NEBL: variants seen among roughly 807,000 people sequenced by gnomAD.
NEBL encodes the protein LIM and SH3 protein 2.
In NEBL, 122 loss-of-function variants were observed where a neutral mutation model predicts 140.2. That is an observed-to-expected ratio of 0.87 (90% confidence interval 0.75 to 1.01). The LOEUF is 1.01. Ranked by LOEUF, NEBL falls within the 50% of genes least tolerant of loss-of-function variation. The pLI, the probability that NEBL is intolerant of heterozygous loss-of-function variation, is 0.00. For synonymous variants in NEBL, 436 were observed against 398.9 expected, an observed-to-expected ratio of 1.09 and a Z score of -1.11; for missense variants, 1,365 against 1,231.3, an observed-to-expected ratio of 1.11 and a Z score of -1.62.
chr10:21,055,573 A>G (rs993885339), intron 2 of NEBL, among the ~76,000 whole-genome samples: 1 of 152,092 alleles, frequency 6.6e-6, no homozygotes, highest in South Asian at 2.1e-4. Flanking sequence ...CCCACCAGCT[A>G]TGCCACTTGG....
intron 2 of NEBL, among the ~76,000 whole-genome samples, chr10:21,074,551 C>T (rs574375789): frequency 2.5e-4 from 38 of 150,206 alleles, no homozygotes; most frequent in African/African-American, 9.3e-4. Context: ...GATCTTGGCT[C>T]ACTGCAACCT....
intron 2 of NEBL, among the ~76,000 whole-genome samples, chr10:21,158,565 G>T (rs1447591295): frequency 6.6e-6 from 1 of 152,124 alleles, no homozygotes; most frequent in Non-Finnish European, 1.5e-5. Context: ...AGAAGGGAAT[G>T]GTCCCTTCAC....
intron 2 of NEBL, among the ~76,000 whole-genome samples, chr10:21,169,685 C>A (rs1217652079): frequency 2.0e-5 from 3 of 152,182 alleles, no homozygotes; most frequent in Non-Finnish European, 4.4e-5. Context: ...TAAATATCAG[C>A]TGTCTACACA....
intron 1 of NEBL, among the ~76,000 whole-genome samples, chr10:21,271,629 G>A (rs530249189): frequency 2.7e-5 from 4 of 149,908 alleles, no homozygotes; most frequent in Admixed American, 6.7e-5. Context: ...AGGTTCAAGC[G>A]ATTCTCCTGC....
At chr10:21,086,925 C>T (rs1836660088) in intron 2 of NEBL, among the ~76,000 whole-genome samples, 2 of 152,210 alleles carry the variant, frequency 1.3e-5, no homozygotes, top group African/African-American at 4.8e-5. Flanking sequence ...TGAAAGATCT[C>T]CCTGCACCCC....
At position 20,961,967 on chromosome 10, in the gene NEBL, A is replaced by G. The variant is rs949587981; in HGVS notation, c.250-188T>C. Among the ~76,000 whole-genome samples, 13 of 152,264 alleles carry G rather than the reference A, an allele frequency of 8.5e-5. No homozygotes were observed. In the South Asian group the frequency reaches 2.5e-3, roughly 29 times the overall value. On this transcript the variant is annotated intron_variant, in intron 3 of 6. Coordinates refer to the NEBL transcript ENST00000417816. ...TTGTGTCACAGAAACTCCACTTACC[A>G]TTTGTGTGACTTTAAGCAAGTTCTT...
chr10:21,084,342 A>G (rs937603474), intron 2 of NEBL, among the ~76,000 whole-genome samples: 1 of 152,220 alleles, frequency 6.6e-6, no homozygotes, highest in Non-Finnish European at 1.5e-5. Flanking sequence ...TAACAGTTTT[A>G]TGGGCAAGAG....
chr10:21,028,109 C>A (rs1406045859), intron 2 of NEBL, among the ~76,000 whole-genome samples: 1 of 151,428 alleles, frequency 6.6e-6, no homozygotes, highest in African/African-American at 2.4e-5. Flanking sequence ...CACCTATAAT[C>A]CTAGCTACTC....
intron 4 of NEBL, among the ~76,000 whole-genome samples, chr10:20,943,374 G>A (rs930287652): frequency 6.6e-6 from 1 of 152,176 alleles, no homozygotes; most frequent in Admixed American, 6.5e-5. Context: ...CTCATTCATA[G>A]GTGGGAACCG....
At chr10:20,943,210 C>T (rs552382605) in intron 4 of NEBL, among the ~76,000 whole-genome samples, 105 of 152,294 alleles carry the variant, frequency 6.9e-4, no homozygotes, top group African/African-American at 2.3e-3. Context: ...CAATGAAAGA[C>T]TGGATTAAGA....
intron 4 of NEBL, among the ~76,000 whole-genome samples, chr10:20,911,789 T>C (rs74120522): frequency 0.013 from 1,966 of 152,320 alleles, 33 homozygotes; most frequent in African/African-American, 0.044. Context: ...TAAATTCTGA[T>C]AGAGCCAAGA....
intron 7 of NEBL, among the ~76,000 whole-genome samples, chr10:20,860,984 A>C (rs1843639533): frequency 6.6e-6 from 1 of 152,192 alleles, no homozygotes. Context: ...GATAATAAAA[A>C]ATTTCTGATA....
chr10:20,962,362 T>C (rs1388362797), intron 3 of NEBL, among the ~76,000 whole-genome samples: 1 of 152,252 alleles, frequency 6.6e-6, no homozygotes, highest in Non-Finnish European at 1.5e-5. Context: ...TACACAATGC[T>C]GTATTGCCAA....
At chr10:20,972,226 C>G (rs1445397021) in intron 3 of NEBL, among the ~76,000 whole-genome samples, 1 of 152,152 alleles carries the variant, frequency 6.6e-6, no homozygotes, top group Non-Finnish European at 1.5e-5. Context: ...AGTCTCGTCA[C>G]AGCTGATAAA....
intron 4 of NEBL, among the ~76,000 whole-genome samples, chr10:20,942,741 A>T (rs1245365579): frequency 6.6e-6 from 1 of 152,222 alleles, no homozygotes; most frequent in Admixed American, 6.5e-5. Flanking sequence ...ACAATGTACA[A>T]GAAAAAAACA....
Position 20,815,683 on chromosome 10 carries a change from G to T in NEBL, c.2183C>A (p.Thr728Asn), listed in dbSNP as rs747856258. The T allele has an allele frequency of 1.2e-6, 2 of 1,612,284 alleles. No individual in the cohort carries two copies. Among genetic ancestry groups the T allele is most frequent in the East Asian group, 4.5e-5 (2 of 44,834 alleles). The change falls in exon 22 of 28, where the codon ACT becomes AAT. Residue 728 changes from threonine (T) to asparagine (N), a missense_variant. By Grantham distance (65) the Thr-to-Asn change is moderately conservative. Transcript: ENST00000377122. ...YYRGQLGRATTLSVTPEMERV... is the reference protein window; with the variant it reads ...YYRGQLGRATNLSVTPEMERV... The stretch of plus-strand genomic sequence containing the variant: ...TTCCATTTCAGGAGTTACACTTAAA[G>T]TGGTAGCTCTTCCCAGCTGACCTCT...
At chr10:21,028,003 C>T (rs914881093) in intron 2 of NEBL, among the ~76,000 whole-genome samples, 1 of 151,876 alleles carries the variant, frequency 6.6e-6, no homozygotes, top group Non-Finnish European at 1.5e-5. Flanking sequence ...AGGTGGATCA[C>T]ATCACCTGAG....
At chr10:21,175,457 C>T (rs957711672), upstream of NEBL, among the ~76,000 whole-genome samples, 3 of 152,198 alleles carry the variant, frequency 2.0e-5, no homozygotes, top group African/African-American at 7.2e-5. Context: ...CTCAATAATG[C>T]CACATACCAA....
At chr10:21,009,934 C>T (rs1838271518) in intron 3 of NEBL, among the ~76,000 whole-genome samples, 1 of 152,168 alleles carries the variant, frequency 6.6e-6, no homozygotes, top group Non-Finnish European at 1.5e-5. Flanking sequence ...ACAATAAGGG[C>T]TACCGCAGGC....
Sources: allele counts gnomAD v4.1 joint callset (sites outside exome capture counted in the v4.1 genomes callset), GRCh38; gene constraint gnomAD v4.1.1; transcripts MANE v1.5; gene names NCBI Gene and HGNC (gene_info 2026-07-23, HGNC 2026-07-21).